COL6A1: variants seen among roughly 807,000 people sequenced by gnomAD.
COL6A1 encodes collagen alpha-1(VI) chain.
In COL6A1, 80 loss-of-function variants were observed where a neutral mutation model predicts 145.6. That is an observed-to-expected ratio of 0.55 (90% CI 0.46 to 0.66). COL6A1 has a LOEUF of 0.66. COL6A1 is among the 30% of genes least tolerant of loss of function. COL6A1 has a pLI of 0.00. For missense variants in COL6A1, 1,364 were observed against 1,473.8 expected, an observed-to-expected ratio of 0.93 and a Z score of 1.22; for synonymous variants, 638 against 622.8, an observed-to-expected ratio of 1.02 and a Z score of -0.36.
intron 27 of COL6A1, 122 bp from the exon 28 acceptor site, chr21:46,000,208 AC>A: frequency 9.2e-7 from 1 of 1,092,196 alleles, no homozygotes; most frequent in Non-Finnish European, 1.4e-6. Flanking sequence ...CCTGCAAAGA[AC>A]CTCCTGCCCA....
chr21:45,982,483 C>G, intron 1 of COL6A1, 151 bp from the exon 2 acceptor site: 1 of 1,097,476 alleles, frequency 9.1e-7, no homozygotes, highest in Non-Finnish European at 1.3e-6. Flanking sequence ...CCGTCCCCAC[C>G]GAGGGACGTC....
chr21:45,998,323 C>A, intron 23 of COL6A1, 75 bp from the exon 24 acceptor site: 1 of 1,601,606 alleles, frequency 6.2e-7, no homozygotes. Context: ...AGCTCAGGCC[C>A]TTCCGCTGTG....
At position 45,990,402 on chromosome 21, in the gene COL6A1, G is replaced by A. The variant is rs751417733; in HGVS notation, c.982G>A (p.Asp328Asn). The stretch of plus-strand genomic sequence containing the variant: ...GGGAGAGAAGGGCAAGCGTGGCATC[G>A]ACGGGGTGGACGGCGTGAAGGTGAC... ...YKGEKGKRGIDGVDGVKGEMG... is the reference protein window; with the variant it reads ...YKGEKGKRGINGVDGVKGEMG... The change falls in exon 13 of 35, where the codon GAC becomes AAC. Residue 328 changes from aspartate to asparagine, a missense_variant. Coordinates refer to ENST00000361866, the MANE Select transcript of COL6A1 (RefSeq NM_001848.3). 7.5e-6 allele frequency: 11 copies of A among 1,476,418 alleles called. No homozygotes were observed. The highest frequency in any genetic ancestry group is 3.5e-4 in the Middle Eastern group (2 of 5,698). 91.5% of individuals were successfully genotyped at this position (1,476,418 alleles called of 1,614,324 possible). A position where few individuals can be genotyped will look rare whatever the true frequency, so the allele number is the denominator to read the frequency against.
At chr21:45,992,877 A>G (rs2077784915) in intron 19 of COL6A1, 67 bp downstream of exon 19, 3 of 1,391,480 alleles carry the variant, frequency 2.2e-6, no homozygotes, top group Admixed American at 2.0e-5. Context: ...GGGCTGGGTC[A>G]GGCCTCCAGA....
At chr21:45,991,989 G>C (rs2077779325) in intron 15 of COL6A1, 21 bp from the exon 16 acceptor site, 2 of 1,564,658 alleles carry the variant, frequency 1.3e-6, no homozygotes, top group Non-Finnish European at 1.7e-6. Flanking sequence ...CAGCGTGTGT[G>C]ACTCCCCCGG....
chr21:46,000,307 G>A, intron 27 of COL6A1, 24 bp from the exon 28 acceptor site: 1 of 1,613,810 alleles, frequency 6.2e-7, no homozygotes, highest in Non-Finnish European at 8.5e-7. Flanking sequence ...TATGGCCCCA[G>A]TACCCTCGTC....
chr21:45,993,036 G>A (rs181234780), intron 19 of COL6A1, among the ~76,000 whole-genome samples: 4 of 152,348 alleles, frequency 2.6e-5, no homozygotes, highest in South Asian at 4.1e-4. Context: ...CCGTGGACCC[G>A]GTGCCCACTT....
chr21:45,985,672 CA>C (rs1431677610), intron 3 of COL6A1, among the ~76,000 whole-genome samples: 2 of 152,342 alleles, frequency 1.3e-5, no homozygotes, highest in East Asian at 3.9e-4. Context: ...CACGAGGCCT[CA>C]GGATCCCAGT....
Position 46,004,200 on chromosome 21 carries a change from T to G in COL6A1, c.*187T>G, listed in dbSNP as rs2077867513. The G allele has an allele frequency of 2.6e-6, 2 of 781,040 alleles. No homozygotes were observed. Among genetic ancestry groups the G allele is most frequent in the Non-Finnish European group, 4.0e-6 (2 of 495,686 alleles). The allele number at this position is 781,040 out of a possible 1,614,324, so 48.4% of individuals were successfully genotyped here. A position where few individuals can be genotyped will look rare whatever the true frequency, so the allele number is the denominator to read the frequency against. ...TGCAGGGTCCTCCGGGGCTCAGCCC[T>G]GAGTTGGCATCACCTGCGCAGGGCC... is the stretch of plus-strand genomic sequence containing the variant. On this transcript the variant is annotated 3_prime_UTR_variant, in exon 35 of 35. Transcript: ENST00000361866.
At chr21:45,983,933 G>T (rs974041016) in intron 2 of COL6A1, among the ~76,000 whole-genome samples, 8 of 152,192 alleles carry the variant, frequency 5.3e-5, no homozygotes, top group Non-Finnish European at 1.5e-5. Flanking sequence ...GTGCTCAGAG[G>T]GCAGCGAGGG....
chr21:45,986,418 G>T, intron 3 of COL6A1, 108 bp from the exon 4 acceptor site: 1 of 1,091,182 alleles, frequency 9.2e-7, no homozygotes, highest in South Asian at 1.3e-5. Flanking sequence ...AGCAAAGAGA[G>T]GCGGCTCCTC....
Position 46,003,893 on chromosome 21 carries a change from C to A in COL6A1, c.2967C>A (p.Gly989=). The A allele has an allele frequency of 3.1e-6, 5 of 1,601,748 alleles. No individual in the cohort carries two copies. Among genetic ancestry groups the A allele is most frequent in the Non-Finnish European group, 4.3e-6 (5 of 1,171,658 alleles). ...CCCACATCCGCGTCCTGGTCACCGG[C>A]AAGACGGCCGAGTACGACGTGGCCT... ...NEPHIRVLVT[G]KTAEYDVAYG... is the part of the protein sequence containing the mutation. The change falls in exon 35 of 35, where the codon GGC becomes GGA. Residue 989 remains glycine, a synonymous_variant. Coordinates refer to ENST00000361866, the MANE Select transcript of COL6A1 (RefSeq NM_001848.3).
chr21:45,990,992 C>G lies in COL6A1; in HGVS notation c.1070C>G (p.Pro357Arg). The G allele has an allele frequency of 1.2e-6, 2 of 1,613,362 alleles. No individual in the cohort carries two copies. The change falls in exon 15 of 35, where the codon CCC becomes CGC. Residue 357 changes from proline (P) to arginine (R), a missense_variant. By Grantham distance (103) the Pro-to-Arg change is moderately radical (BLOSUM62 -2). This residue lies in a region of COL6A1 where 938 missense variants were observed against 1,003.8 expected (regional missense o/e 0.93). Coordinates refer to ENST00000361866, the MANE Select transcript of COL6A1 (RefSeq NM_001848.3). ...TCTTTTCTCCAGGGCATTCAAGGAC[C>G]CCCTGGCCCCAAGGGAGACCCCGGT... The part of the protein sequence containing the change: ...GSPGFDGIQG[P>R]PGPKGDPGAF...
At chr21:46,003,091 T>A (rs1399136899) in intron 33 of COL6A1, 29 bp from the exon 34 acceptor site, 1 of 1,613,948 alleles carries the variant, frequency 6.2e-7, no homozygotes, top group South Asian at 1.1e-5. Flanking sequence ...AGCAGTGGGC[T>A]CACACTGCAC....
intron 15 of COL6A1, among the ~76,000 whole-genome samples, chr21:45,991,507 C>T (rs954035128): frequency 7.2e-5 from 11 of 152,068 alleles, no homozygotes; most frequent in African/African-American, 1.9e-4. Context: ...GAGCACGAGG[C>T]GGGAGAAGGA....
At chr21:45,999,358 T>G in intron 26 of COL6A1, 140 bp downstream of exon 26, 1 of 917,552 alleles carries the variant, frequency 1.1e-6, no homozygotes, top group Non-Finnish European at 1.7e-6. Flanking sequence ...TGGGAGGCCC[T>G]GGGGGTGGGA....
At position 46,003,659 on chromosome 21, in the gene COL6A1, C is replaced by A; in HGVS notation, c.2733C>A (p.Asn911Lys). The change falls in exon 35 of 35, where the codon AAC becomes AAA. Residue 911 changes from asparagine to lysine, a missense_variant. Physicochemically the swap from Asn to Lys is moderately conservative, Grantham distance 94. Around this residue, in one of 3 missense-constraint regions of COL6A1, gnomAD observed 938 missense variants for 1,003.8 expected, o/e 0.93. Coordinates refer to ENST00000361866, the MANE Select transcript of COL6A1 (RefSeq NM_001848.3). ...CCGTCGATGCCATGGACTTTATCAA[C>A]GACGCCACCGACGTCAACGATGCCC... is the stretch of plus-strand genomic sequence containing the variant. ...ASAVDAMDFI[N>K]DATDVNDALG... The A allele has an allele frequency of 1.2e-6, 2 of 1,613,066 alleles. No homozygotes were observed. Among genetic ancestry groups the A allele is most frequent in the South Asian group, 1.1e-5 (1 of 91,088 alleles).
chr21:45,987,291 T>C (rs1000009752), intron 6 of COL6A1, 116 bp downstream of exon 6: 56 of 1,536,272 alleles, frequency 3.6e-5, no homozygotes, highest in Admixed American at 1.7e-5. Flanking sequence ...CCGGGACACA[T>C]GTCCCCTGCG....
chr21:45,990,200 G>A (rs933693347), intron 11 of COL6A1, 58 bp from the exon 12 acceptor site: 2 of 1,607,010 alleles, frequency 1.2e-6, no homozygotes, highest in African/African-American at 2.7e-5. Flanking sequence ...CCTAAGCCAG[G>A]CTTGCCCTGC....
Sources: allele counts gnomAD v4.1 joint callset (sites outside exome capture counted in the v4.1 genomes callset), GRCh38; gene constraint gnomAD v4.1.1; regional missense constraint gnomAD v4.1.1; transcripts MANE v1.5; gene names NCBI Gene and HGNC (gene_info 2026-07-23, HGNC 2026-07-21).